Variants in FHIT observed in about 807,000 individuals in gnomAD.
FHIT encodes fragile histidine triad diadenosine triphosphatase.
FHIT carries 19 observed loss-of-function variants against 17.9 expected under a neutral mutation model. The ratio of observed to expected loss-of-function variants is 1.06; its 90% CI spans 0.74 to 1.56. FHIT has a LOEUF of 1.56. Ranked by LOEUF, FHIT falls within the 40% of genes most tolerant of loss-of-function variation. The pLI is 0.00. For missense variants in FHIT, 248 were observed against 189.2 expected (o/e 1.31, Z -1.82); for synonymous variants, 81 against 69.7 (o/e 1.16, Z -0.81).
chr3:61,194,229 T>C (rs2038793846), intron 2 of FHIT, among the ~76,000 whole-genome samples: 1 of 152,178 alleles, frequency 6.6e-6, no homozygotes, highest in Non-Finnish European at 1.5e-5. Flanking sequence ...ACATTCTAGT[T>C]TCTATGACCC....
chr3:60,911,454 G>T (rs1245264926), intron 3 of FHIT, among the ~76,000 whole-genome samples: 2 of 151,742 alleles, frequency 1.3e-5, no homozygotes, highest in Non-Finnish European at 2.9e-5. Context: ...TTTCAGAAGA[G>T]CAGTCATGTC....
chr3:59,948,205 G>T (rs1335573020), intron 7 of FHIT, among the ~76,000 whole-genome samples: 1 of 151,976 alleles, frequency 6.6e-6, no homozygotes, highest in East Asian at 1.9e-4. Context: ...TATACGTTTG[G>T]TTTTTAAGAA....
chr3:59,985,355 G>C (rs1245367974), intron 7 of FHIT, among the ~76,000 whole-genome samples: 1 of 152,090 alleles, frequency 6.6e-6, no homozygotes, highest in African/African-American at 2.4e-5. Context: ...TCCAGACATA[G>C]GGGGTTATTT....
At chr3:60,651,705 A>G (rs1553688314) in intron 4 of FHIT, among the ~76,000 whole-genome samples, 1 of 152,208 alleles carries the variant, frequency 6.6e-6, no homozygotes. Flanking sequence ...TATAAGCTCT[A>G]TCTAATTAAT....
intron 5 of FHIT, among the ~76,000 whole-genome samples, chr3:60,118,977 TGC>T (rs1405169218): frequency 5.3e-5 from 8 of 150,494 alleles, no homozygotes; most frequent in Non-Finnish European, 1.2e-4. Flanking sequence ...GCTGAGATGC[TGC>T]CACTGCACTC....
At chr3:60,434,940 T>G (rs2030074660) in intron 5 of FHIT, among the ~76,000 whole-genome samples, 1 of 152,182 alleles carries the variant, frequency 6.6e-6, no homozygotes, top group South Asian at 2.1e-4. Context: ...AGGTATCATT[T>G]GTAACAGTGT....
intron 2 of FHIT, among the ~76,000 whole-genome samples, chr3:61,186,745 TC>T (rs1398793761): frequency 1.3e-5 from 2 of 152,218 alleles, no homozygotes; most frequent in Non-Finnish European, 2.9e-5. Context: ...TCACCTTTCA[TC>T]GTTTTTGTCA....
intron 3 of FHIT, among the ~76,000 whole-genome samples, chr3:60,860,301 T>TCATATGTATACATGAGATA (rs1553751270): frequency 2.0e-5 from 3 of 148,652 alleles, no homozygotes; most frequent in Non-Finnish European, 4.5e-5. Flanking sequence ...ATGAGATACA[T>TCATATGTATACATGAGATA]CATATGTATA....
intron 5 of FHIT, among the ~76,000 whole-genome samples, chr3:60,214,222 A>C (rs189760476): frequency 1.3e-5 from 2 of 152,184 alleles, no homozygotes; most frequent in Non-Finnish European, 2.9e-5. Context: ...ACAAACAAGC[A>C]ACAAATTGTA....
chr3:60,760,624 T>A (rs1699615330), intron 4 of FHIT, among the ~76,000 whole-genome samples: 1 of 152,070 alleles, frequency 6.6e-6, no homozygotes, highest in African/African-American at 2.4e-5. Flanking sequence ...ACTTAGCCCA[T>A]GAGGAGTCAG....
chr3:60,042,994 G>A (rs1049835502), intron 5 of FHIT, among the ~76,000 whole-genome samples: 15 of 152,080 alleles, frequency 9.9e-5, no homozygotes, highest in Admixed American at 2.0e-4. Flanking sequence ...GCAACAGAGG[G>A]AAAAAAACAT....
At chr3:61,058,490 G>T (rs2034306477) in intron 2 of FHIT, among the ~76,000 whole-genome samples, 1 of 152,162 alleles carries the variant, frequency 6.6e-6, no homozygotes, top group Non-Finnish European at 1.5e-5. Flanking sequence ...GAGGGGCCTG[G>T]TGGGATGTGA....
At chr3:60,908,753 T>C (rs868974678) in intron 3 of FHIT, among the ~76,000 whole-genome samples, 3 of 144,238 alleles carry the variant, frequency 2.1e-5, no homozygotes, top group South Asian at 4.5e-4. Flanking sequence ...AGTGAAGAGA[T>C]AGAAATCATG....
chr3:59,996,349 C>T (rs1455936614), intron 7 of FHIT, among the ~76,000 whole-genome samples: 1 of 151,880 alleles, frequency 6.6e-6, no homozygotes, highest in African/African-American at 2.4e-5. Context: ...CAAGATTCAC[C>T]CCATCAATTT....
intron 3 of FHIT, among the ~76,000 whole-genome samples, chr3:60,983,441 G>T (rs771846827): frequency 6.6e-6 from 1 of 152,154 alleles, no homozygotes; most frequent in Non-Finnish European, 1.5e-5. Flanking sequence ...TGGACAATAA[G>T]TCAGGGTAAG....
chr3:60,523,488 GATC>G (rs931574442), intron 5 of FHIT, among the ~76,000 whole-genome samples: 9 of 151,550 alleles, frequency 5.9e-5, no homozygotes, highest in African/African-American at 2.2e-4. Context: ...TCATCAAAGG[GATC>G]ATCAGAAAGA....
chr3:59,804,207 G>A (rs1390142026), intron 8 of FHIT, among the ~76,000 whole-genome samples: 1 of 152,228 alleles, frequency 6.6e-6, no homozygotes, highest in Non-Finnish European at 1.5e-5. Flanking sequence ...AAACCCACAA[G>A]AAGAGTTTAT....
chr3:60,417,536 A>G (rs1367228220), intron 5 of FHIT, among the ~76,000 whole-genome samples: 1 of 152,212 alleles, frequency 6.6e-6, no homozygotes, highest in Non-Finnish European at 1.5e-5. Context: ...AAAATATAAT[A>G]GAAAAACTCA....
chr3:60,414,833 C>T (rs186185941), intron 5 of FHIT, among the ~76,000 whole-genome samples: 40 of 152,250 alleles, frequency 2.6e-4, no homozygotes, highest in Non-Finnish European at 4.7e-4. Context: ...AAAGAAGATA[C>T]CCTTGACCTC....
Sources: gnomAD v4.1 joint callset for allele counts (sites outside exome capture counted in the v4.1 genomes callset) on GRCh38, gnomAD v4.1.1 for gene constraint, MANE v1.5 for transcripts, NCBI Gene and HGNC (gene_info 2026-07-23, HGNC 2026-07-21) for gene names.